Variants in GLIS3 observed in about 807,000 individuals in gnomAD.
The protein encoded by GLIS3 is GLIS family zinc finger 3.
A neutral mutation model predicts 78.6 loss-of-function variants in GLIS3; 53 were observed. The observed-to-expected ratio is 0.67, with a 90% CI of 0.54 to 0.85. GLIS3 has a LOEUF of 0.85. GLIS3 is among the 40% of genes least tolerant of loss of function. The probability of loss-of-function intolerance (pLI) is 0.00; values close to 1 mark genes in which losing one functional copy is unlikely to be tolerated. For synonymous variants in GLIS3, 684 were observed against 509.9 expected (o/e 1.34, Z -4.60); for missense variants, 1,703 against 1,231.1 (o/e 1.38, Z -5.74).
chr9:4,003,844 T>G (rs1419469475), intron 4 of GLIS3, among the ~76,000 whole-genome samples: 2 of 152,216 alleles, frequency 1.3e-5, no homozygotes, highest in African/African-American at 4.8e-5. Context: ...CTTTCTTTGG[T>G]GCTTGTATCA....
intron 2 of GLIS3, chr9:4,147,704 G>C (rs111393248): frequency 6.6e-6 from 1 of 152,042 alleles, no homozygotes; most frequent in African/African-American, 2.4e-5. Context: ...GCCAGCGCTG[G>C]CCAGCGCGAA....
the GLIS3 span, among the ~76,000 whole-genome samples, chr9:4,474,579 G>C: frequency 6.6e-6 from 1 of 152,176 alleles, no homozygotes; most frequent in East Asian, 1.9e-4. Context: ...TGAAATGAAA[G>C]AAGCAAAATA....
intron 9 of GLIS3, among the ~76,000 whole-genome samples, chr9:3,840,783 A>G (rs959867949): frequency 1.3e-5 from 2 of 152,158 alleles, no homozygotes; most frequent in African/African-American, 4.8e-5. Flanking sequence ...ATTTTCATCT[A>G]CAGCTCTTGC....
At chr9:4,340,155 T>C (rs984958474) in intron 2 of GLIS3, among the ~76,000 whole-genome samples, 1 of 151,966 alleles carries the variant, frequency 6.6e-6, no homozygotes, top group African/African-American at 2.4e-5. Context: ...GCCTTCTCCA[T>C]ACTTTTAATA....
intron 4 of GLIS3, among the ~76,000 whole-genome samples, chr9:4,088,058 C>A (rs935330069): frequency 6.6e-6 from 1 of 152,172 alleles, no homozygotes; most frequent in African/African-American, 2.4e-5. Context: ...ACTGGCTAGA[C>A]AAGGTGTGAG....
intron 2 of GLIS3, among the ~76,000 whole-genome samples, chr9:4,130,181 G>A (rs1403062633): frequency 6.6e-6 from 1 of 152,192 alleles, no homozygotes. Context: ...AAAGAAATGA[G>A]CTGAAACTGG....
intron 2 of GLIS3, among the ~76,000 whole-genome samples, chr9:4,187,790 C>A (rs1340390522): frequency 2.6e-5 from 4 of 152,040 alleles, no homozygotes; most frequent in East Asian, 3.9e-4. Context: ...TGATTTGGCT[C>A]TCTGTTTGTC....
intron 4 of GLIS3, among the ~76,000 whole-genome samples, chr9:3,943,792 C>T (rs546389440): frequency 6.6e-6 from 1 of 152,306 alleles, no homozygotes; most frequent in African/African-American, 2.4e-5. Context: ...TGCCGGTCAT[C>T]TGGCATTCTG....
chr9:4,487,422 C>A, the GLIS3 span, among the ~76,000 whole-genome samples: 3 of 151,932 alleles, frequency 2.0e-5, no homozygotes, highest in Non-Finnish European at 4.4e-5. Flanking sequence ...ATTAATGCCC[C>A]CATTTTACAG....
the GLIS3 span, among the ~76,000 whole-genome samples, chr9:4,416,252 TAA>T: frequency 7.8e-4 from 59 of 75,828 alleles, no homozygotes; most frequent in South Asian, 2.3e-3. Context: ...ACACTGTTTT[TAA>T]AAAAAAAAAA....
intron 4 of GLIS3, among the ~76,000 whole-genome samples, chr9:4,097,060 G>A (rs1232937176): frequency 6.6e-6 from 1 of 152,074 alleles, no homozygotes; most frequent in Non-Finnish European, 1.5e-5. Flanking sequence ...AACAAAGGGT[G>A]AGATACGCTG....
At position 4,118,757 on chromosome 9, in the gene GLIS3, C is replaced by A; in HGVS notation, c.721G>T (p.Gly241Cys). 1 of 1,613,770 alleles carries A rather than the reference C, an allele frequency of 6.2e-7. No homozygotes were observed. Among genetic ancestry groups the A allele is most frequent in the Non-Finnish European group, 8.5e-7 (1 of 1,180,010 alleles). ...YRALPSLSNHGSQNGLDLGDL... is the reference protein window; with the variant it reads ...YRALPSLSNHCSQNGLDLGDL... ...CCTAGATCAAGGCCATTCTGAGAGCCGTGGTTGGAGAGCGAAGGGAGGGCC... is the reference window on the plus strand; with the variant it reads ...CCTAGATCAAGGCCATTCTGAGAGCAGTGGTTGGAGAGCGAAGGGAGGGCC... The change falls in exon 4 of 11, where the codon GGC (glycine) becomes TGC (cysteine). Residue 241 changes from glycine to cysteine, a missense_variant. By Grantham distance (159) the Gly-to-Cys change is radical. Coordinates refer to ENST00000381971, the MANE Select transcript of GLIS3 (RefSeq NM_001042413.2). This position sits in a 1 kb window ranked among gnomAD's most constrained non-coding sequence, Gnocchi z 4.7.
At chr9:4,385,739 A>AAGAAAG in the GLIS3 span, among the ~76,000 whole-genome samples, 374 of 41,824 alleles carry the variant, frequency 8.9e-3, 67 homozygotes, top group East Asian at 0.095. Context: ...AAGAAAGAAA[A>AAGAAAG]AGAAAGAAAG....
the GLIS3 span, among the ~76,000 whole-genome samples, chr9:4,412,778 A>T: frequency 2.0e-5 from 3 of 152,184 alleles, no homozygotes; most frequent in Non-Finnish European, 2.9e-5. Flanking sequence ...ACTGGTAGAG[A>T]ATGGTCAAAA....
chr9:4,390,391 G>C, the GLIS3 span, among the ~76,000 whole-genome samples: 1 of 151,246 alleles, frequency 6.6e-6, no homozygotes, highest in Non-Finnish European at 1.5e-5. Flanking sequence ...TTTTAAACAG[G>C]GTCTTGCTCA....
At chr9:4,316,330 A>G (rs1348229436) in intron 2 of GLIS3, among the ~76,000 whole-genome samples, 1 of 152,226 alleles carries the variant, frequency 6.6e-6, no homozygotes, top group Non-Finnish European at 1.5e-5. Flanking sequence ...TGCATTTAAA[A>G]TACATATTCA....
Position 4,296,584 on chromosome 9 carries a change from G to A in GLIS3, c.-99+2837C>T, listed in dbSNP as rs1037573911. 3.9e-5 allele frequency among the ~76,000 whole-genome samples: 6 copies of A among 152,044 alleles called. No homozygotes were observed. The East Asian group carries it at 1.2e-3, about 29-fold the overall frequency. ...CAACCTCTGATAACCTGCCTACTAA[G>A]GAACTTCAGTGGAATCAGGGGATCA... On this transcript the variant is annotated intron_variant, in intron 1 of 10. Transcript: ENST00000381971.
intron 4 of GLIS3, among the ~76,000 whole-genome samples, chr9:3,960,360 C>T (rs1013266500): frequency 6.6e-6 from 1 of 152,200 alleles, no homozygotes; most frequent in Admixed American, 6.5e-5. Context: ...TTAAGGCACC[C>T]AGTTTGTGGT....
chr9:3,987,268 A>G (rs917853720), intron 4 of GLIS3, among the ~76,000 whole-genome samples: 1 of 152,150 alleles, frequency 6.6e-6, no homozygotes, highest in African/African-American at 2.4e-5. Context: ...AATTTACCCA[A>G]TTTCAACAAA....
Sources: allele counts gnomAD v4.1 joint callset (sites outside exome capture counted in the v4.1 genomes callset), GRCh38; gene constraint gnomAD v4.1.1; non-coding constraint Gnocchi (gnomAD v3.1); transcripts MANE v1.5; gene names NCBI Gene and HGNC (gene_info 2026-07-23, HGNC 2026-07-21).